Variants in SEMA3D observed in about 807,000 individuals in gnomAD.
SEMA3D encodes the protein semaphorin-3D.
A neutral mutation model predicts 100.1 loss-of-function variants in SEMA3D; 84 were observed. The ratio of observed to expected loss-of-function variants is 0.84; its 90% CI spans 0.70 to 1.01. The LOEUF (loss-of-function observed/expected upper bound fraction) is 1.01, where lower values mean the gene tolerates loss of function less well. Among genes scored for constraint, SEMA3D ranks in the 50% least tolerant of loss-of-function variants. The probability of loss-of-function intolerance (pLI) is 0.00; values close to 1 mark genes in which losing one functional copy is unlikely to be tolerated. For synonymous variants in SEMA3D, 312 were observed against 320.7 expected (o/e 0.97, Z 0.29); for missense variants, 875 against 934.1 (o/e 0.94, Z 0.82).
chr7:85,081,990 C>T (rs1026122284), intron 4 of SEMA3D, among the ~76,000 whole-genome samples: 1 of 152,180 alleles, frequency 6.6e-6, no homozygotes, highest in Non-Finnish European at 1.5e-5. Context: ...AACTCTCTGT[C>T]AGAGCATAAC....
At chr7:85,129,885 G>A (rs1789674718) in intron 2 of SEMA3D, among the ~76,000 whole-genome samples, 1 of 151,938 alleles carries the variant, frequency 6.6e-6, no homozygotes, top group South Asian at 2.1e-4. Flanking sequence ...ATGACCTTGA[G>A]TTTCATATTC....
intron 15 of SEMA3D, among the ~76,000 whole-genome samples, chr7:85,017,372 G>A (rs570566673): frequency 5.3e-5 from 8 of 151,686 alleles, no homozygotes; most frequent in Non-Finnish European, 1.0e-4. Context: ...GGTTAATGGC[G>A]AGCTATGTTA....
At chr7:85,181,407 A>G (rs966587563) in intron 1 of SEMA3D, among the ~76,000 whole-genome samples, 2 of 152,074 alleles carry the variant, frequency 1.3e-5, no homozygotes, top group Admixed American at 6.6e-5. Flanking sequence ...GCCAATTGAA[A>G]GAGCTCCCAG....
chr7:85,124,060 C>T (rs1478214531), intron 2 of SEMA3D, among the ~76,000 whole-genome samples: 1 of 151,772 alleles, frequency 6.6e-6, no homozygotes, highest in Non-Finnish European at 1.5e-5. Context: ...AAAAAATAAC[C>T]TAAAGTCCTA....
At position 85,022,390 on chromosome 7, in the gene SEMA3D, C is replaced by A; in HGVS notation, c.1414+1G>T. The A allele has an allele frequency of 6.2e-7, 1 of 1,605,436 alleles. No homozygotes were observed. The highest frequency in any genetic ancestry group is 8.5e-7 in the Non-Finnish European group (1 of 1,172,784). The stretch of plus-strand genomic sequence containing the variant: ...AAAATCCTAATCTAGTTTTAGCTTA[C>A]CTGTTCCAAGAAACATTACATCGTA... On this transcript the variant is annotated splice_donor_variant, in intron 13 of 18. Coordinates refer to ENST00000284136, the MANE Select transcript of SEMA3D (RefSeq NM_001384900.1). LOFTEE classifies it high-confidence loss of function.
chr7:85,039,968 A>AC (rs1790809063), intron 11 of SEMA3D, among the ~76,000 whole-genome samples: 4 of 127,846 alleles, frequency 3.1e-5, no homozygotes, highest in Non-Finnish European at 4.8e-5. Context: ...ATACGCAAAC[A>AC]CTTTTTTTTT....
chr7:85,074,919 C>T (rs998380632), intron 5 of SEMA3D, among the ~76,000 whole-genome samples: 4 of 151,594 alleles, frequency 2.6e-5, no homozygotes, highest in Admixed American at 1.3e-4. Context: ...CATGGCAGGC[C>T]GATACTAATA....
intron 1 of SEMA3D, among the ~76,000 whole-genome samples, chr7:85,175,351 G>T (rs997960462): frequency 2.6e-5 from 4 of 152,132 alleles, no homozygotes; most frequent in Non-Finnish European, 5.9e-5. Context: ...TAATATCTTA[G>T]CCCAGGCTCT....
At chr7:85,162,303 T>C (rs373595410) in intron 1 of SEMA3D, among the ~76,000 whole-genome samples, 1 of 152,090 alleles carries the variant, frequency 6.6e-6, no homozygotes, top group Non-Finnish European at 1.5e-5. Context: ...AGTCACAGCA[T>C]CAGTAAACAC....
chr7:85,076,613 T>A (rs1281109612), intron 5 of SEMA3D, among the ~76,000 whole-genome samples: 1 of 152,240 alleles, frequency 6.6e-6, no homozygotes, highest in Non-Finnish European at 1.5e-5. Context: ...TTTATTTATG[T>A]TAAATATTAG....
chr7:85,093,937 T>A (rs1434980275), intron 4 of SEMA3D, among the ~76,000 whole-genome samples: 2 of 151,970 alleles, frequency 1.3e-5, no homozygotes, highest in East Asian at 3.9e-4. Flanking sequence ...ACACTTAAAT[T>A]TCCCGAGGGT....
intron 5 of SEMA3D, among the ~76,000 whole-genome samples, chr7:85,073,626 A>G (rs1189579620): frequency 6.6e-6 from 1 of 152,156 alleles, no homozygotes; most frequent in Non-Finnish European, 1.5e-5. Flanking sequence ...AATTTATACC[A>G]TATAGTTACT....
chr7:85,202,875 T>C, the SEMA3D span, among the ~76,000 whole-genome samples: 1 of 152,102 alleles, frequency 6.6e-6, no homozygotes, highest in Non-Finnish European at 1.5e-5. Context: ...ATGAAAACTA[T>C]ATAGTAGAAC....
chr7:85,058,512 C>T (rs924027311), intron 8 of SEMA3D, among the ~76,000 whole-genome samples: 4 of 151,928 alleles, frequency 2.6e-5, no homozygotes, highest in African/African-American at 9.7e-5. Context: ...CTTTGGGAGG[C>T]CGAGGCCGGC....
chr7:85,112,308 C>A (rs1184119053), intron 3 of SEMA3D, among the ~76,000 whole-genome samples: 2 of 152,088 alleles, frequency 1.3e-5, no homozygotes, highest in South Asian at 4.1e-4. Context: ...AAGAACCATT[C>A]TATCAGATAC....
the SEMA3D span, among the ~76,000 whole-genome samples, chr7:85,248,323 C>T: frequency 7.9e-5 from 12 of 152,192 alleles, no homozygotes; most frequent in South Asian, 8.3e-4. Flanking sequence ...AGTGACACCA[C>T]CAAATGCTGT....
At chr7:85,151,842 A>G (rs1790432670) in intron 2 of SEMA3D, 2 of 536,938 alleles carry the variant, frequency 3.7e-6, no homozygotes, top group Admixed American at 6.4e-5. Flanking sequence ...TGTAAAAAAA[A>G]GTTTTTTGAC....
intron 14 of SEMA3D, among the ~76,000 whole-genome samples, chr7:85,019,761 G>A (rs1790203696): frequency 6.6e-6 from 1 of 151,460 alleles, no homozygotes. Context: ...CTTTTTGCCG[G>A]GTGAGAGGAG....
chr7:85,086,333 GA>G (rs1211974214), intron 4 of SEMA3D, among the ~76,000 whole-genome samples: 1 of 151,804 alleles, frequency 6.6e-6, no homozygotes, highest in Non-Finnish European at 1.5e-5. Flanking sequence ...TCATTAAAGA[GA>G]TTTTTTTTAA....
Sources: allele counts gnomAD v4.1 joint callset (sites outside exome capture counted in the v4.1 genomes callset), GRCh38; gene constraint gnomAD v4.1.1; transcripts MANE v1.5; gene names NCBI Gene and HGNC (gene_info 2026-07-23, HGNC 2026-07-21).